Variants in MAGI3 observed in about 807,000 individuals in gnomAD.
The protein encoded by MAGI3 is membrane associated guanylate kinase, WW and PDZ domain containing 3, also known as membrane-associated guanylate kinase, WW and PDZ domain-containing protein 3.
Under a neutral mutation model 121.8 loss-of-function variants are expected in MAGI3, and 43 were observed. The ratio of observed to expected loss-of-function variants is 0.35; its 90% CI spans 0.28 to 0.46. The LOEUF is 0.46. MAGI3 is among the 20% of genes least tolerant of loss of function. The probability of loss-of-function intolerance (pLI) is 1.00; values close to 1 mark genes in which losing one functional copy is unlikely to be tolerated. For missense variants in MAGI3, 1,547 were observed against 1,797.3 expected (o/e 0.86, Z 2.52); for synonymous variants, 553 against 639.3 (o/e 0.86, Z 2.04).
intron 1 of MAGI3, among the ~76,000 whole-genome samples, chr1:113,411,153 A>C (rs1651955741): frequency 6.6e-6 from 1 of 152,166 alleles, no homozygotes; most frequent in African/African-American, 2.4e-5. Context: ...TAAGTTACCA[A>C]AGTATTTAAA....
At chr1:113,517,424 A>T (rs936415668) in intron 1 of MAGI3, among the ~76,000 whole-genome samples, 1 of 151,500 alleles carries the variant, frequency 6.6e-6, no homozygotes, top group Admixed American at 6.6e-5. Context: ...AGTTAATACC[A>T]TAGAGAAAAA....
At position 113,646,658 on chromosome 1, in the gene MAGI3, A is replaced by C. The variant is rs1457958147; in HGVS notation, c.2155+16A>C. On this transcript the variant is annotated intron_variant, in intron 12 of 20. Transcript: ENST00000307546. The stretch of plus-strand genomic sequence containing the variant: ...GAAGATAAACGTAAGTAGTTGTGGA[A>C]TATTTCAGGAGAGCATATAACAAGA... 6.4e-7 allele frequency: 1 copy of C among 1,572,172 alleles called. No homozygotes were observed. The highest frequency in any genetic ancestry group is 1.9e-5 in the Admixed American group (1 of 53,134).
intron 1 of MAGI3, among the ~76,000 whole-genome samples, chr1:113,430,689 T>C (rs2101418154): frequency 1.3e-5 from 2 of 152,336 alleles, no homozygotes; most frequent in East Asian, 3.9e-4. Flanking sequence ...ATTGTTCTAA[T>C]AGAAGTATCT....
chr1:113,630,492 C>A (rs1191856717), intron 9 of MAGI3, among the ~76,000 whole-genome samples: 1 of 152,144 alleles, frequency 6.6e-6, no homozygotes, highest in Non-Finnish European at 1.5e-5. Flanking sequence ...ACACAGTCAC[C>A]TTTACCTTTC....
At chr1:113,596,520 C>T (rs1346427232) in intron 6 of MAGI3, among the ~76,000 whole-genome samples, 1 of 152,044 alleles carries the variant, frequency 6.6e-6, no homozygotes, top group Non-Finnish European at 1.5e-5. Context: ...AAATTCTCTT[C>T]ATCAGAAGAC....
intron 9 of MAGI3, among the ~76,000 whole-genome samples, chr1:113,628,915 T>C (rs1570963038): frequency 6.6e-6 from 1 of 152,320 alleles, no homozygotes; most frequent in East Asian, 1.9e-4. Flanking sequence ...TTAAATCTGC[T>C]TGGTGCTCTA....
At chr1:113,454,251 T>C (rs1654636542) in intron 1 of MAGI3, among the ~76,000 whole-genome samples, 1 of 152,194 alleles carries the variant, frequency 6.6e-6, no homozygotes, top group African/African-American at 2.4e-5. Context: ...CAGGGTCTTC[T>C]TCCTTTAGGG....
Position 113,426,359 on chromosome 1 carries a change from A to G in MAGI3, c.316+35010A>G, listed in dbSNP as rs774485123. On this transcript the variant is annotated intron_variant, in intron 1 of 20. Coordinates refer to ENST00000307546, the MANE Select transcript of MAGI3 (RefSeq NM_001142782.2). ...GGATTTTCCATTGGTGCTTAAAAAA[A>G]GGTATATTCTGCTGTTGTTGGGTGG... Among the ~76,000 whole-genome samples the G allele has an allele frequency of 5.0e-4, 76 of 152,330 alleles. 1 individual carries two copies. Among genetic ancestry groups the G allele is most frequent in the Non-Finnish European group, 7.8e-4 (53 of 68,034 alleles).
intron 9 of MAGI3, among the ~76,000 whole-genome samples, chr1:113,635,100 G>GAAGTT (rs1651917780): frequency 1.3e-5 from 2 of 148,248 alleles, no homozygotes; most frequent in Non-Finnish European, 3.1e-5. Flanking sequence ...TGAGACTTTT[G>GAAGTT]GCTTATCAGC....
chr1:113,658,663 A>G lies in MAGI3; in HGVS notation c.2630-417A>G, dbSNP rs1414842842. On this transcript the variant is annotated intron_variant, in intron 15 of 20. Coordinates refer to ENST00000307546, the MANE Select transcript of MAGI3 (RefSeq NM_001142782.2). The surrounding 1 kb of genome is among the most constrained non-coding windows in gnomAD (Gnocchi z 4.0). The stretch of plus-strand genomic sequence containing the variant: ...AAGTGTCCCTTTAACAGAAGCAAAG[A>G]TAATCTTATCGTAGCAGTTTTTAAA... Among the ~76,000 whole-genome samples the G allele has an allele frequency of 6.6e-6, 1 of 152,254 alleles. No individual in the cohort carries two copies. The highest frequency in any genetic ancestry group is 2.4e-5 in the African/African-American group (1 of 41,470).
chr1:113,438,451 T>C (rs1653747752), intron 1 of MAGI3, among the ~76,000 whole-genome samples: 1 of 152,210 alleles, frequency 6.6e-6, no homozygotes, highest in African/African-American at 2.4e-5. Context: ...CTTTTGCAGT[T>C]TGAGGTGCTA....
At chr1:113,639,250 C>A (rs1652281297) in intron 9 of MAGI3, among the ~76,000 whole-genome samples, 2 of 152,244 alleles carry the variant, frequency 1.3e-5, no homozygotes, top group South Asian at 4.1e-4. Flanking sequence ...CTATCCTGCA[C>A]CCACTGTCTG....
rs866308236 is a variant in MAGI3 at position 113,684,927 on chromosome 1, T to C, written c.*913T>C. On this transcript the variant is annotated 3_prime_UTR_variant, in exon 21 of 21. Coordinates refer to ENST00000307546, the MANE Select transcript of MAGI3 (RefSeq NM_001142782.2). ...CTGTACCTACTACTAAAGTCATTAG[T>C]CTTTAATACATAATACATATTTGAA... 2.5e-4 allele frequency: 38 copies of C among 152,372 alleles called. No homozygotes were observed. The highest frequency in any genetic ancestry group is 4.1e-4 in the Non-Finnish European group (28 of 68,046). The allele number at this position is 152,372 out of a possible 1,614,324, so 9.4% of individuals were successfully genotyped here.
At chr1:113,542,814 CAG>C (rs1408124064) in intron 1 of MAGI3, among the ~76,000 whole-genome samples, 3 of 152,084 alleles carry the variant, frequency 2.0e-5, no homozygotes, top group African/African-American at 7.2e-5. Flanking sequence ...GAGAAAGAAA[CAG>C]GGATATTCTA....
At position 113,437,275 on chromosome 1, in the gene MAGI3, CTAAACTCATCTTT is replaced by C. The variant is rs1202930109; in HGVS notation, c.316+45927_316+45939del. ...TTCCCCCTCCAAAACAGGCTTGGAA[CTAAACTCATCTTT>C]ATCTATTAATGTTAAATGAGAATAG... is the stretch of plus-strand genomic sequence containing the variant. On this transcript the variant is annotated intron_variant, in intron 1 of 20. Coordinates refer to ENST00000307546, the MANE Select transcript of MAGI3 (RefSeq NM_001142782.2). Among the ~76,000 whole-genome samples, 4 of 152,042 alleles carry C rather than the reference CTAAACTCATCTTT, an allele frequency of 2.6e-5. No individual in the cohort carries two copies. The East Asian group carries it at 7.7e-4, about 29-fold the overall frequency.
rs535236127 is a variant in MAGI3, at chr1:113,637,701, A to G, written c.1361-4210A>G. 8.6e-3 allele frequency among the ~76,000 whole-genome samples: 1,305 copies of G among 151,802 alleles called. 8 individuals are homozygous for G. The highest frequency in any genetic ancestry group is 0.014 in the Non-Finnish European group (973 of 67,774). On this transcript the variant is annotated intron_variant, in intron 9 of 20. Transcript: ENST00000307546. ...TTCAACTTTGGTGAATCTGACAGTT[A>G]TGTGTCTTGGAGTTGCTCTTCTCGA...
intron 2 of MAGI3, among the ~76,000 whole-genome samples, chr1:113,566,529 A>G (rs966494770): frequency 6.6e-6 from 1 of 152,194 alleles, no homozygotes; most frequent in Non-Finnish European, 1.5e-5. Context: ...TGCATGGAAG[A>G]TTCTCTATGA....
At chr1:113,638,835 G>A (rs1459562303) in intron 9 of MAGI3, among the ~76,000 whole-genome samples, 1 of 152,252 alleles carries the variant, frequency 6.6e-6, no homozygotes. Context: ...CGCCCCCAGA[G>A]GTGGAGCCTA....
intron 1 of MAGI3, among the ~76,000 whole-genome samples, chr1:113,420,540 T>A (rs955046290): frequency 3.6e-4 from 55 of 152,174 alleles, no homozygotes; most frequent in African/African-American, 1.3e-3. Flanking sequence ...TCCATTCAGG[T>A]GAAAAATACT....
Sources: allele counts gnomAD v4.1 joint callset (sites outside exome capture counted in the v4.1 genomes callset), GRCh38; gene constraint gnomAD v4.1.1; non-coding constraint Gnocchi (gnomAD v3.1); transcripts MANE v1.5; gene names NCBI Gene and HGNC (gene_info 2026-07-23, HGNC 2026-07-21).